OSBPL3: variants seen among roughly 807,000 people sequenced by gnomAD.
OSBPL3 encodes the protein oxysterol-binding protein-related protein 3.
A neutral mutation model predicts 120.1 loss-of-function variants in OSBPL3; 65 were observed. That is an observed-to-expected ratio of 0.54 (90% CI 0.44 to 0.67). The LOEUF (loss-of-function observed/expected upper bound fraction) is 0.67. Among genes scored for constraint, OSBPL3 ranks in the 30% least tolerant of loss-of-function variants. The probability of loss-of-function intolerance (pLI) is 0.00; values close to 1 mark genes in which losing one functional copy is unlikely to be tolerated. For missense variants in OSBPL3, 1,004 were observed against 1,082.1 expected, an observed-to-expected ratio of 0.93 and a Z score of 1.01; for synonymous variants, 416 against 402.6, an observed-to-expected ratio of 1.03 and a Z score of -0.40.
intron 7 of OSBPL3, 149 bp downstream of exon 7, chr7:24,865,193 G>T: frequency 2.3e-5 from 17 of 730,712 alleles, no homozygotes; most frequent in Non-Finnish European, 3.0e-5. Flanking sequence ...AGTGTCTTTT[G>T]TTGATGATGG....
intron 10 of OSBPL3, among the ~76,000 whole-genome samples, chr7:24,858,081 C>G (rs1454819993): frequency 6.6e-6 from 1 of 152,140 alleles, no homozygotes. Context: ...GAAACATAAG[C>G]CAACAACTGG....
chr7:24,850,442 T>C (rs1799006539), intron 11 of OSBPL3, among the ~76,000 whole-genome samples: 1 of 152,210 alleles, frequency 6.6e-6, no homozygotes, highest in South Asian at 2.1e-4. Context: ...CTGACTCTTT[T>C]CTAAGAAGCT....
At chr7:24,828,606 GAAAAAAAAAAAAAAAGAA>G (rs1283934675) in intron 16 of OSBPL3, among the ~76,000 whole-genome samples, 1 of 32,522 alleles carries the variant, frequency 3.1e-5, no homozygotes, top group Non-Finnish European at 5.3e-5. Flanking sequence ...GACTCTGTCT[GAAAAAAAAAAAAAAAGAA>G]AAAAAAAAAA....
At position 24,930,404 on chromosome 7, in the gene OSBPL3, G is replaced by A. The variant is rs62448671; in HGVS notation, c.-149-37783C>T. 0.14 allele frequency among the ~76,000 whole-genome samples: 20,573 copies of A among 151,886 alleles called. 1,465 individuals are homozygous for A. Among genetic ancestry groups the A allele is most frequent in the East Asian group, 0.21 (1,085 of 5,170 alleles). ...CAAGATTAAGATTACACTTAACAAA[G>A]GTTTCCCATCTCTTGTTCTAAAGAT... On this transcript the variant is annotated intron_variant, in intron 1 of 22. Transcript: ENST00000313367. This position sits in a 1 kb window ranked among gnomAD's most constrained non-coding sequence, Gnocchi z 4.4.
At chr7:24,837,987 C>G (rs183816892) in intron 14 of OSBPL3, among the ~76,000 whole-genome samples, 1 of 152,140 alleles carries the variant, frequency 6.6e-6, no homozygotes, top group Admixed American at 6.5e-5. Context: ...CAAAGAATAA[C>G]AGTGTAGCAA....
intron 1 of OSBPL3, among the ~76,000 whole-genome samples, chr7:24,945,810 G>C (rs1054672179): frequency 6.6e-6 from 1 of 152,218 alleles, no homozygotes; most frequent in African/African-American, 2.4e-5. Flanking sequence ...TTCAAAGAAA[G>C]AATACAGTGG....
intron 1 of OSBPL3, among the ~76,000 whole-genome samples, chr7:24,917,317 C>A (rs374517160): frequency 1.3e-5 from 2 of 149,524 alleles, no homozygotes; most frequent in Non-Finnish European, 1.5e-5. Flanking sequence ...ATACAGACTG[C>A]GCAATACAAG....
intron 1 of OSBPL3, among the ~76,000 whole-genome samples, chr7:24,904,947 G>A (rs1033173824): frequency 6.6e-6 from 1 of 151,332 alleles, no homozygotes; most frequent in Admixed American, 6.6e-5. Context: ...GTGTGTGTGT[G>A]TGTGTGTGTG....
intron 2 of OSBPL3, among the ~76,000 whole-genome samples, chr7:24,890,323 C>T (rs756895595): frequency 2.6e-5 from 4 of 152,126 alleles, no homozygotes; most frequent in Non-Finnish European, 4.4e-5. Context: ...TCTTCAGTGA[C>T]GTGACTGGAA....
intron 18 of OSBPL3, 86 bp downstream of exon 18, chr7:24,816,524 G>T: frequency 2.4e-6 from 2 of 821,288 alleles, no homozygotes; most frequent in Admixed American, 1.9e-5. Flanking sequence ...TGCAACTGCC[G>T]GGGGCGGGGG....
At position 24,922,762 on chromosome 7, in the gene OSBPL3, A is replaced by T. The variant is rs80011330; in HGVS notation, c.-149-30141T>A. 6.6e-6 allele frequency among the ~76,000 whole-genome samples: 1 copy of T among 152,032 alleles called. No homozygotes were observed. Among genetic ancestry groups the T allele is most frequent in the Admixed American group, 6.5e-5 (1 of 15,274 alleles). On this transcript the variant is annotated intron_variant, in intron 1 of 22. Coordinates refer to ENST00000313367, the MANE Select transcript of OSBPL3 (RefSeq NM_015550.4). This position sits in a 1 kb window ranked among gnomAD's most constrained non-coding sequence, Gnocchi z 4.3. ...GCACGTAATCCCCTAGTCCTGCTTC[A>T]GGCTTCAGGTCAAGGATCTCTGTCC...
At chr7:24,945,707 T>C (rs974009507) in intron 1 of OSBPL3, among the ~76,000 whole-genome samples, 4 of 152,240 alleles carry the variant, frequency 2.6e-5, no homozygotes, top group African/African-American at 7.2e-5. Flanking sequence ...CAACTCATTT[T>C]ATAGCTTGAG....
intron 15 of OSBPL3, among the ~76,000 whole-genome samples, chr7:24,832,532 G>GAA (rs1408404427): frequency 1.2e-4 from 15 of 127,256 alleles, no homozygotes; most frequent in Non-Finnish European, 2.2e-4. Context: ...AAAAAAAAAA[G>GAA]AAGAAGAAAA....
rs984863054 is a variant in OSBPL3 at position 24,835,875 on chromosome 7, A to G, written c.1496-1139T>C. ...ACTAAACGTTAGTTCACATGAACATAAAGAAGGGAACCATAGACACCAGGG... is the reference window on the plus strand; with the variant it reads ...ACTAAACGTTAGTTCACATGAACATGAAGAAGGGAACCATAGACACCAGGG... On this transcript the variant is annotated intron_variant, in intron 14 of 22. Coordinates refer to ENST00000313367, the MANE Select transcript of OSBPL3 (RefSeq NM_015550.4). This position sits in a 1 kb window ranked among gnomAD's most constrained non-coding sequence, Gnocchi z 4.8. Among the ~76,000 whole-genome samples the G allele has an allele frequency of 6.6e-6, 1 of 152,176 alleles. No homozygotes were observed. Among genetic ancestry groups the G allele is most frequent in the East Asian group, 1.9e-4 (1 of 5,190 alleles).
At chr7:24,954,910 C>A (rs1285113109) in intron 1 of OSBPL3, among the ~76,000 whole-genome samples, 1 of 152,092 alleles carries the variant, frequency 6.6e-6, no homozygotes, top group Admixed American at 6.5e-5. Flanking sequence ...TTCATGCTGA[C>A]AGTACTAAAG....
chr7:24,826,452 A>T (rs1008158967), intron 16 of OSBPL3, among the ~76,000 whole-genome samples: 1 of 152,160 alleles, frequency 6.6e-6, no homozygotes, highest in African/African-American at 2.4e-5. Flanking sequence ...GAGAACGAAC[A>T]GCATACACAA....
intron 12 of OSBPL3, among the ~76,000 whole-genome samples, chr7:24,845,453 GTGTGTGTA>G (rs1408908103): frequency 8.2e-6 from 1 of 121,548 alleles, no homozygotes; most frequent in Non-Finnish European, 1.6e-5. Context: ...GTATGTGTGT[GTGTGTGTA>G]TGTGTGTGTG....
intron 12 of OSBPL3, among the ~76,000 whole-genome samples, chr7:24,846,758 C>T (rs922629758): frequency 5.3e-5 from 8 of 152,198 alleles, no homozygotes; most frequent in African/African-American, 9.6e-5. Context: ...ATGGGTAATA[C>T]GTGTGGCTAA....
At chr7:24,865,579 A>C in intron 6 of OSBPL3, 114 bp from the exon 7 acceptor site, 1 of 1,022,328 alleles carries the variant, frequency 9.8e-7, no homozygotes, top group Non-Finnish European at 1.4e-6. Flanking sequence ...TCTGCCTATA[A>C]TGAGGAAGAA....
Sources: gnomAD v4.1 joint callset for allele counts (sites outside exome capture counted in the v4.1 genomes callset) on GRCh38, gnomAD v4.1.1 for gene constraint, Gnocchi (gnomAD v3.1) non-coding constraint, MANE v1.5 for transcripts, NCBI Gene and HGNC (gene_info 2026-07-23, HGNC 2026-07-21) for gene names.